Variants in IL1RAPL2 observed in about 807,000 individuals in gnomAD.
IL1RAPL2 encodes X-linked interleukin-1 receptor accessory protein-like 2.
In IL1RAPL2, 3 loss-of-function variants were observed where a neutral mutation model predicts 44.1. That is an observed-to-expected ratio of 0.07 (90% CI 0.03 to 0.18). The LOEUF (loss-of-function observed/expected upper bound fraction) is 0.18. Ranked by LOEUF, IL1RAPL2 falls within the 10% of genes least tolerant of loss-of-function variation. The pLI is 1.00. For synonymous variants in IL1RAPL2, 181 were observed against 178.8 expected (o/e 1.01, Z -0.10); for missense variants, 391 against 496.4 (o/e 0.79, Z 2.02).
At chrX:105,089,118 G>A (rs1244307353) in intron 2 of IL1RAPL2, among the ~76,000 whole-genome samples, 1 of 111,075 alleles carries the variant, frequency 9.0e-6, no homozygotes, top group African/African-American at 3.3e-5. Flanking sequence ...TATAATAAAG[G>A]AGCCACTAAA....
intron 2 of IL1RAPL2, among the ~76,000 whole-genome samples, chrX:104,777,861 A>G (rs1932745384): frequency 9.0e-6 from 1 of 110,643 alleles, no homozygotes; most frequent in African/African-American, 3.3e-5. Context: ...GTCTGCTTTC[A>G]ATTCTTTTGG....
At chrX:105,073,965 C>T (rs1489586851) in intron 2 of IL1RAPL2, among the ~76,000 whole-genome samples, 1 of 111,456 alleles carries the variant, frequency 9.0e-6, no homozygotes, top group East Asian at 2.8e-4. Flanking sequence ...GAGTAGGTTG[C>T]AAAAATTCTC....
rs751285817 is a variant in IL1RAPL2 at position 104,691,740 on chromosome X, C to T, written c.82+32745C>T. On this transcript the variant is annotated intron_variant, in intron 2 of 10. Transcript: ENST00000372582. Reference sequence around the variant, plus strand: ...TTGCCAGCGAGAGTTGAAACAAGGACGCTACTGCTATGTTCTGAGACCCTG... The same window carrying T: ...TTGCCAGCGAGAGTTGAAACAAGGATGCTACTGCTATGTTCTGAGACCCTG... Among the ~76,000 whole-genome samples, 6 of 111,822 alleles carry T rather than the reference C, an allele frequency of 5.4e-5. No homozygotes were observed. In the South Asian group the frequency reaches 1.1e-3, roughly 21 times the overall value.
At chrX:105,282,631 T>C (rs146404598) in intron 5 of IL1RAPL2, among the ~76,000 whole-genome samples, 16 of 111,753 alleles carry the variant, frequency 1.4e-4, no homozygotes, top group African/African-American at 5.2e-4. Flanking sequence ...ACTTAGTATG[T>C]TTGTTGAATG....
chrX:105,446,384 A>G (rs1011534627), intron 5 of IL1RAPL2, among the ~76,000 whole-genome samples: 5 of 110,875 alleles, frequency 4.5e-5, no homozygotes, highest in Non-Finnish European at 7.6e-5. Context: ...TAATCCACCT[A>G]CATACAATGT....
intron 6 of IL1RAPL2, among the ~76,000 whole-genome samples, chrX:105,525,404 A>G (rs1357157972): frequency 9.0e-6 from 1 of 111,584 alleles, no homozygotes; most frequent in Non-Finnish European, 1.9e-5. Flanking sequence ...AAATATACAG[A>G]AAAACAAAAA....
At chrX:105,256,670 A>G (rs948662616) in intron 4 of IL1RAPL2, among the ~76,000 whole-genome samples, 1 of 111,201 alleles carries the variant, frequency 9.0e-6, no homozygotes. Context: ...TTGTCCAGGG[A>G]TTCAATTTCT....
intron 2 of IL1RAPL2, among the ~76,000 whole-genome samples, chrX:104,674,487 G>T (rs1395245773): frequency 8.9e-6 from 1 of 111,797 alleles, no homozygotes; most frequent in Non-Finnish European, 1.9e-5. Context: ...TGTGCTTCTG[G>T]ATTCGTTTTG....
intron 1 of IL1RAPL2, among the ~76,000 whole-genome samples, chrX:104,570,616 T>C (rs1928128430): frequency 8.9e-6 from 1 of 112,350 alleles, no homozygotes; most frequent in Admixed American, 9.4e-5. Context: ...GCTGGTTCAC[T>C]TTGAGTTATC....
chrX:104,718,273 C>T (rs1364183494), intron 2 of IL1RAPL2, among the ~76,000 whole-genome samples: 1 of 111,199 alleles, frequency 9.0e-6, no homozygotes. Flanking sequence ...CCTGTTGTTT[C>T]CTGACTTTTT....
chrX:105,016,099 A>G (rs1439447712), intron 2 of IL1RAPL2, among the ~76,000 whole-genome samples: 1 of 111,190 alleles, frequency 9.0e-6, no homozygotes, highest in Non-Finnish European at 1.9e-5. Context: ...TTCACTCATG[A>G]TCTGGCTCTC....
At chrX:105,506,726 G>A (rs991494908) in intron 6 of IL1RAPL2, among the ~76,000 whole-genome samples, 3 of 111,756 alleles carry the variant, frequency 2.7e-5, no homozygotes, top group Non-Finnish European at 5.7e-5. Flanking sequence ...GAAAGGAGAC[G>A]GAGATTATAA....
At chrX:104,964,291 T>G (rs866661560) in intron 2 of IL1RAPL2, among the ~76,000 whole-genome samples, 6 of 105,722 alleles carry the variant, frequency 5.7e-5, no homozygotes, top group African/African-American at 1.7e-4. Flanking sequence ...TTTATTTATT[T>G]ATTTATTTAT....
intron 5 of IL1RAPL2, among the ~76,000 whole-genome samples, chrX:105,449,664 T>C (rs1191364201): frequency 1.8e-5 from 2 of 109,102 alleles, no homozygotes; most frequent in African/African-American, 6.7e-5. Context: ...GGAGAATCGC[T>C]TGAACCAGAG....
intron 8 of IL1RAPL2, 87 bp from the exon 9 acceptor site, chrX:105,748,873 T>C: frequency 3.3e-6 from 3 of 906,892 alleles, no homozygotes; most frequent in Non-Finnish European, 4.6e-6. Flanking sequence ...AAACAGAATG[T>C]TAGTACATCT....
In IL1RAPL2 at chrX:105,077,085, T is replaced by G. The variant is rs758143299; in HGVS notation, c.83-118390T>G. ...TTATGTGTGAATTTGATCCTGTCAT[T>G]ATGATTTTAGCTGGTTATTTTGCTC... On this transcript the variant is annotated intron_variant, in intron 2 of 10. Transcript: ENST00000372582. 2.7e-3 allele frequency among the ~76,000 whole-genome samples: 300 copies of G among 111,377 alleles called. 2 individuals carry two copies. The highest frequency in any genetic ancestry group is 9.3e-3 in the African/African-American group (284 of 30,547).
chrX:104,982,690 T>C (rs1157246093), intron 2 of IL1RAPL2, among the ~76,000 whole-genome samples: 1 of 111,415 alleles, frequency 9.0e-6, no homozygotes, highest in East Asian at 2.8e-4. Flanking sequence ...TCTTGTTCTT[T>C]AGTGCTTTTA....
chrX:105,079,373 T>G (rs1424119846), intron 2 of IL1RAPL2, among the ~76,000 whole-genome samples: 6 of 108,695 alleles, frequency 5.5e-5, no homozygotes, highest in Non-Finnish European at 1.1e-4. Flanking sequence ...GAGACACATA[T>G]GTTTATGGCT....
At chrX:105,716,759 C>T (rs2038259846) in intron 6 of IL1RAPL2, among the ~76,000 whole-genome samples, 1 of 111,710 alleles carries the variant, frequency 9.0e-6, no homozygotes, top group Non-Finnish European at 1.9e-5. Flanking sequence ...ATCTTAATAA[C>T]AGTGGAGAGT....
Sources: allele counts gnomAD v4.1 joint callset (sites outside exome capture counted in the v4.1 genomes callset), GRCh38; gene constraint gnomAD v4.1.1; transcripts MANE v1.5; gene names NCBI Gene and HGNC (gene_info 2026-07-23, HGNC 2026-07-21).